FCHO1: variants seen among roughly 807,000 people sequenced by gnomAD.
FCHO1 encodes the protein F-BAR domain only protein 1.
Under a neutral mutation model 114.4 loss-of-function variants are expected in FCHO1, and 45 were observed. The observed-to-expected ratio is 0.39, with a 90% CI of 0.31 to 0.50. The LOEUF (loss-of-function observed/expected upper bound fraction) is 0.50. Among genes scored for constraint, FCHO1 ranks in the 20% least tolerant of loss-of-function variants. FCHO1 has a pLI of 0.77. For synonymous variants in FCHO1, 480 were observed against 488.9 expected (o/e 0.98, Z 0.24); for missense variants, 1,042 against 1,209.6 (o/e 0.86, Z 2.06).
At chr19:17,748,459 T>C (rs1238598438), upstream of FCHO1, among the ~76,000 whole-genome samples, 1 of 145,816 alleles carries the variant, frequency 6.9e-6, no homozygotes, top group Non-Finnish European at 1.5e-5. Context: ...GTCCCCTGCC[T>C]GGCACGGTTT....
At chr19:17,785,426 T>A (rs1024973486) in intron 26 of FCHO1, among the ~76,000 whole-genome samples, 3 of 152,054 alleles carry the variant, frequency 2.0e-5, no homozygotes, top group Non-Finnish European at 4.4e-5. Context: ...TTTCACCATG[T>A]TGGTCAGGCT....
rs561823310 is a variant in FCHO1, at chr19:17,778,998, G to A, written c.1627+114G>A. 1.6e-5 allele frequency: 18 copies of A among 1,143,562 alleles called. No homozygotes were observed. The East Asian group carries it at 4.5e-4, about 29-fold the overall frequency. The allele number at this position is 1,143,562 out of a possible 1,614,324, so 70.8% of individuals were successfully genotyped here. A position where few individuals can be genotyped will look rare whatever the true frequency, so the allele number is the denominator to read the frequency against. ...TGGAGACACAGCCAGGACCAGGCAG[G>A]CAGAACCTCCCACCGTTGCAGGGAC... On this transcript the variant is annotated intron_variant, in intron 20 of 28. Transcript: ENST00000596536.
intron 7 of FCHO1, among the ~76,000 whole-genome samples, chr19:17,769,132 G>A (rs547340046): frequency 3.3e-5 from 5 of 151,074 alleles, no homozygotes; most frequent in African/African-American, 7.3e-5. Context: ...AAAATTAGCC[G>A]GGCATGGTGG....
At chr19:17,757,912 T>C (rs1389657077) in intron 4 of FCHO1, among the ~76,000 whole-genome samples, 1 of 112,586 alleles carries the variant, frequency 8.9e-6, no homozygotes, top group Non-Finnish European at 1.9e-5. Context: ...CAAGACCCTG[T>C]CTCAAAAAAA....
At chr19:17,773,791 C>A (rs1247444719) in intron 11 of FCHO1, among the ~76,000 whole-genome samples, 1 of 152,138 alleles carries the variant, frequency 6.6e-6, no homozygotes, top group African/African-American at 2.4e-5. Context: ...TGTCCGGGAA[C>A]CTGATGGACC....
chr19:17,764,979 G>A (rs1045149504), intron 6 of FCHO1, among the ~76,000 whole-genome samples: 1 of 150,968 alleles, frequency 6.6e-6, no homozygotes, highest in Non-Finnish European at 1.5e-5. Context: ...CAGGAGAATC[G>A]CTTGAACCCA....
intron 20 of FCHO1, among the ~76,000 whole-genome samples, chr19:17,779,655 C>G (rs1599747104): frequency 1.0e-5 from 1 of 96,706 alleles, no homozygotes; most frequent in African/African-American, 4.3e-5. Context: ...GGGGCGGAGT[C>G]AAGGGAGGGA....
chr19:17,781,670 C>T, intron 22 of FCHO1, 42 bp from the exon 23 acceptor site: 1 of 1,548,422 alleles, frequency 6.5e-7, no homozygotes, highest in East Asian at 2.2e-5. Context: ...TATATTCACA[C>T]TGTCTATCCG....
rs2083085591 is a variant in FCHO1 at position 17,755,313 on chromosome 19, G to T, written c.27+122G>T. The T allele has an allele frequency of 5.5e-6, 5 of 904,952 alleles. No homozygotes were observed. The Admixed American group carries it at 7.2e-5, about 13-fold the overall frequency. 56.1% of individuals were successfully genotyped at this position (904,952 alleles called of 1,614,324 possible). On this transcript the variant is annotated intron_variant, in intron 4 of 28. Coordinates refer to ENST00000596536, the MANE Select transcript of FCHO1 (RefSeq NM_015122.3). ...ACAGGTAGAGGATCTGCAAGGGATGGAAGTTAAAGTGGGAAGAGTCAGGCT... is the reference window on the plus strand; with the variant it reads ...ACAGGTAGAGGATCTGCAAGGGATGTAAGTTAAAGTGGGAAGAGTCAGGCT...
chr19:17,767,171 C>G (rs965882539), intron 7 of FCHO1, among the ~76,000 whole-genome samples: 1 of 151,650 alleles, frequency 6.6e-6, no homozygotes, highest in Non-Finnish European at 1.5e-5. Flanking sequence ...GCCTCAAACA[C>G]TTGGGCTCAA....
intron 6 of FCHO1, among the ~76,000 whole-genome samples, chr19:17,765,053 A>G (rs1234140322): frequency 6.7e-6 from 1 of 149,446 alleles, no homozygotes; most frequent in Admixed American, 6.7e-5. Flanking sequence ...AATAAGAGCG[A>G]AAACTCTGTT....
intron 22 of FCHO1, 84 bp from the exon 23 acceptor site, chr19:17,781,628 G>A: frequency 6.4e-7 from 1 of 1,557,882 alleles, no homozygotes; most frequent in Non-Finnish European, 8.8e-7. Flanking sequence ...GCAGAGGTGT[G>A]GTTGGGCGGA....
At position 17,776,093 on chromosome 19, in the gene FCHO1, A is replaced by C. The variant is rs1311881509; in HGVS notation, c.1114A>C (p.Ser372Arg). The C allele has an allele frequency of 1.2e-6, 2 of 1,612,508 alleles. No individual in the cohort carries two copies. The highest frequency in any genetic ancestry group is 2.2e-5 in the East Asian group (1 of 44,866). The change falls in exon 16 of 29, where the codon AGC becomes CGC. Residue 372 changes from serine to arginine, a missense_variant. By Grantham distance (110) the Ser-to-Arg change is moderately radical. Coordinates refer to ENST00000596536, the MANE Select transcript of FCHO1 (RefSeq NM_015122.3). This position sits in a 1 kb window ranked among gnomAD's most constrained non-coding sequence, Gnocchi z 4.4. ...TGCCCCGGCCCGGGCTCCAGCCTGC[A>C]GCCCCGAGGCAGCAGCGGCACAGCT... Reference protein sequence around the residue: ...KPAPARAPACSPEAAAAQLRA... With the variant: ...KPAPARAPACRPEAAAAQLRA...
intron 23 of FCHO1, among the ~76,000 whole-genome samples, chr19:17,782,135 G>A (rs1418656699): frequency 6.6e-6 from 1 of 151,674 alleles, no homozygotes; most frequent in Non-Finnish European, 1.5e-5. Flanking sequence ...TCAGCCTCCC[G>A]AGTAGCTGGA....
chr19:17,772,594 T>C, intron 10 of FCHO1, 39 bp downstream of exon 10: 1 of 1,613,152 alleles, frequency 6.2e-7, no homozygotes, highest in East Asian at 2.2e-5. Flanking sequence ...CTGGGGTCAC[T>C]GCTGGGCAAA....
chr19:17,766,325 C>G (rs985953969), intron 6 of FCHO1, among the ~76,000 whole-genome samples: 1 of 151,362 alleles, frequency 6.6e-6, no homozygotes, highest in Non-Finnish European at 1.5e-5. Context: ...TAAGTACAGA[C>G]GGGGGTTTCA....
chr19:17,750,711 G>A (rs1043856427), upstream of FCHO1, among the ~76,000 whole-genome samples: 2 of 151,806 alleles, frequency 1.3e-5, no homozygotes, highest in African/African-American at 2.4e-5. Flanking sequence ...CACCTGCCTC[G>A]GCCTCCCAAA....
Position 17,776,731 on chromosome 19 carries a change from T to C in FCHO1, c.1259+45T>C. On this transcript the variant is annotated intron_variant, in intron 18 of 28. Coordinates refer to ENST00000596536, the MANE Select transcript of FCHO1 (RefSeq NM_015122.3). The surrounding 1 kb of genome is among the most constrained non-coding windows in gnomAD (Gnocchi z 4.4). ...GCAGGTGGGGGCTGTCCCCACCTCC[T>C]CCCTCCACCTCCCCATGTCTCCGCC... 3 of 1,541,506 alleles carry C rather than the reference T, an allele frequency of 1.9e-6. No individual in the cohort carries two copies. Among genetic ancestry groups the C allele is most frequent in the Non-Finnish European group, 2.7e-6 (3 of 1,116,644 alleles).
chr19:17,748,510 G>C (rs185918365), upstream of FCHO1, among the ~76,000 whole-genome samples: 948 of 151,806 alleles, frequency 6.2e-3, 11 homozygotes, highest in African/African-American at 0.021. Flanking sequence ...CTGGACTTGG[G>C]GGGGGGGTCC....
Sources: allele counts gnomAD v4.1 joint callset (sites outside exome capture counted in the v4.1 genomes callset), GRCh38; gene constraint gnomAD v4.1.1; non-coding constraint Gnocchi (gnomAD v3.1); transcripts MANE v1.5; gene names NCBI Gene and HGNC (gene_info 2026-07-23, HGNC 2026-07-21).